ELAPOR2: variants seen among roughly 807,000 people sequenced by gnomAD.
ELAPOR2 encodes endosome-lysosome associated apoptosis and autophagy regulator family member 2.
In ELAPOR2, 89 loss-of-function variants were observed where a neutral mutation model predicts 120.7. The ratio of observed to expected loss-of-function variants is 0.74; its 90% CI spans 0.62 to 0.88. The LOEUF (loss-of-function observed/expected upper bound fraction) is 0.88, where lower values mean the gene tolerates loss of function less well. Ranked by LOEUF, ELAPOR2 falls within the 40% of genes least tolerant of loss-of-function variation. The pLI is 0.00. For synonymous variants in ELAPOR2, 444 were observed against 444.9 expected (o/e 1.00, Z 0.03); for missense variants, 1,134 against 1,251.6 (o/e 0.91, Z 1.42).
intron 3 of ELAPOR2, 95 bp from the exon 4 acceptor site, chr7:86,945,141 C>A: frequency 9.2e-7 from 1 of 1,089,080 alleles, no homozygotes; most frequent in Non-Finnish European, 1.3e-6. Flanking sequence ...GTAGTTCCAT[C>A]AGCAAAGTAC....
At chr7:86,977,960 C>T (rs1003802776) in intron 1 of ELAPOR2, among the ~76,000 whole-genome samples, 3 of 152,122 alleles carry the variant, frequency 2.0e-5, no homozygotes, top group Non-Finnish European at 4.4e-5. Context: ...TCTCTTTGTT[C>T]ATATTTTTAA....
intron 1 of ELAPOR2, among the ~76,000 whole-genome samples, chr7:86,988,294 T>C (rs1792827465): frequency 6.6e-6 from 1 of 152,148 alleles, no homozygotes; most frequent in South Asian, 2.1e-4. Flanking sequence ...TGTATACTTA[T>C]GTAACAAGCC....
chr7:87,030,714 A>C (rs1794398052), intron 1 of ELAPOR2, among the ~76,000 whole-genome samples: 1 of 152,178 alleles, frequency 6.6e-6, no homozygotes, highest in South Asian at 2.1e-4. Flanking sequence ...GCCAGATTAC[A>C]CCCAAAGAAG....
chr7:86,944,560 C>A (rs1790926125), intron 4 of ELAPOR2, among the ~76,000 whole-genome samples: 1 of 151,986 alleles, frequency 6.6e-6, no homozygotes, highest in African/African-American at 2.4e-5. Context: ...AGAATACTAT[C>A]TGTAGCTACT....
At chr7:87,002,323 G>C (rs1449952901) in intron 1 of ELAPOR2, among the ~76,000 whole-genome samples, 2 of 152,172 alleles carry the variant, frequency 1.3e-5, no homozygotes, top group Non-Finnish European at 2.9e-5. Context: ...CTGTTGAGGA[G>C]AGCAAGGAGA....
chr7:87,016,117 T>C (rs1318766403), intron 1 of ELAPOR2, among the ~76,000 whole-genome samples: 1 of 152,146 alleles, frequency 6.6e-6, no homozygotes, highest in Non-Finnish European at 1.5e-5. Flanking sequence ...AACAGAAAAT[T>C]CTTAATCTTC....
intron 10 of ELAPOR2, chr7:86,920,706 G>C (rs1310550181): frequency 1.3e-5 from 2 of 152,140 alleles, no homozygotes; most frequent in Non-Finnish European, 2.9e-5. Flanking sequence ...TCTGTCCTGA[G>C]AAACAGAGTG....
At chr7:86,904,714 C>T (rs1029469398) in intron 18 of ELAPOR2, among the ~76,000 whole-genome samples, 1 of 152,102 alleles carries the variant, frequency 6.6e-6, no homozygotes, top group Non-Finnish European at 1.5e-5. Context: ...CACATATTTC[C>T]CCCTTTCTCC....
intron 21 of ELAPOR2, 56 bp downstream of exon 21, chr7:86,891,668 A>T: frequency 6.9e-7 from 1 of 1,453,310 alleles, no homozygotes; most frequent in Non-Finnish European, 9.4e-7. Flanking sequence ...TATTAGGTTA[A>T]TATGCCCTCT....
At chr7:86,896,445 T>C (rs1788441186) in intron 19 of ELAPOR2, among the ~76,000 whole-genome samples, 1 of 152,066 alleles carries the variant, frequency 6.6e-6, no homozygotes, top group African/African-American at 2.4e-5. Context: ...TTGGAATGCA[T>C]GGGATTGGGC....
At chr7:87,028,233 C>T (rs1214737804) in intron 1 of ELAPOR2, among the ~76,000 whole-genome samples, 3 of 151,912 alleles carry the variant, frequency 2.0e-5, no homozygotes, top group Admixed American at 2.0e-4. Flanking sequence ...AGGTTTTTAC[C>T]TCTCTCCCTC....
At chr7:87,037,049 C>A (rs945845504) in intron 1 of ELAPOR2, among the ~76,000 whole-genome samples, 3 of 152,110 alleles carry the variant, frequency 2.0e-5, no homozygotes, top group Non-Finnish European at 4.4e-5. Context: ...TAATGCTAAT[C>A]CTTCTCTACT....
At chr7:86,920,965 G>T (rs953513094) in intron 10 of ELAPOR2, 1 of 152,168 alleles carries the variant, frequency 6.6e-6, no homozygotes, top group African/African-American at 2.4e-5. Flanking sequence ...CCATTGTGAG[G>T]TATGTTACAG....
At chr7:87,041,448 G>A (rs1341649483) in intron 1 of ELAPOR2, among the ~76,000 whole-genome samples, 1 of 151,890 alleles carries the variant, frequency 6.6e-6, no homozygotes. Flanking sequence ...AAGAGAGTGG[G>A]GGCCAATATT....
chr7:86,932,687 C>G (rs1790381672), intron 8 of ELAPOR2, among the ~76,000 whole-genome samples: 1 of 151,894 alleles, frequency 6.6e-6, no homozygotes, highest in Non-Finnish European at 1.5e-5. Flanking sequence ...CCATGAACAG[C>G]TTAATTGAAA....
intron 1 of ELAPOR2, among the ~76,000 whole-genome samples, chr7:87,033,788 A>G (rs1180637145): frequency 6.6e-6 from 1 of 152,078 alleles, no homozygotes; most frequent in African/African-American, 2.4e-5. Context: ...AAAAAAATCA[A>G]TAGTGTAGAA....
chr7:86,946,782 G>T (rs1315761820), intron 3 of ELAPOR2, among the ~76,000 whole-genome samples: 1 of 152,096 alleles, frequency 6.6e-6, no homozygotes, highest in Non-Finnish European at 1.5e-5. Flanking sequence ...AACTATTCCA[G>T]GCAGAAAAAG....
intron 10 of ELAPOR2, 147 bp from the exon 11 acceptor site, chr7:86,919,457 C>A: frequency 1.9e-6 from 1 of 519,702 alleles, no homozygotes; most frequent in Non-Finnish European, 3.3e-6. Context: ...TTTTTAATCA[C>A]AGTCGCAAAT....
Position 86,925,546 on chromosome 7 carries a change from T to C in ELAPOR2, c.1381A>G (p.Lys461Glu), listed in dbSNP as rs776162429. The change falls in exon 10 of 22, where the codon AAG (lysine) becomes GAG (glutamate). Residue 461 changes from lysine to glutamate, a missense_variant. By Grantham distance (56) the Lys-to-Glu change is moderately conservative. Around this residue, in one of 3 missense-constraint regions of ELAPOR2, gnomAD observed 831 missense variants for 867.6 expected, o/e 0.96. Transcript: ENST00000450689. ...KTSCFNVGNSKCDGMNGWEVA... is the reference protein window; with the variant it reads ...KTSCFNVGNSECDGMNGWEVA... The stretch of plus-strand genomic sequence containing the variant: ...AACTTACCATTCATTCCATCGCACT[T>C]TGAATTCCCAACATTGAAGCAGGAA... 5 of 1,611,740 alleles carry C rather than the reference T, an allele frequency of 3.1e-6. No individual in the cohort carries two copies. Among genetic ancestry groups the C allele is most frequent in the Admixed American group, 1.7e-5 (1 of 59,808 alleles).
Sources: allele counts gnomAD v4.1 joint callset (sites outside exome capture counted in the v4.1 genomes callset), GRCh38; gene constraint gnomAD v4.1.1; regional missense constraint gnomAD v4.1.1; transcripts MANE v1.5; gene names NCBI Gene and HGNC (gene_info 2026-07-23, HGNC 2026-07-21).